The following SOAT1 variants were observed in gnomAD, a reference collection of about 807,000 sequenced individuals.
The protein encoded by SOAT1 is acyl-coenzyme A:cholesterol acyltransferase 1.
A neutral mutation model predicts 69.5 loss-of-function variants in SOAT1; 55 were observed. That is an observed-to-expected ratio of 0.79 (90% confidence interval 0.64 to 0.99). The LOEUF (loss-of-function observed/expected upper bound fraction) is 0.99, where lower values mean the gene tolerates loss of function less well. Ranked by LOEUF, SOAT1 falls within the 50% of genes least tolerant of loss-of-function variation. SOAT1 has a pLI of 0.00. For missense variants in SOAT1, 580 were observed against 669.3 expected, an observed-to-expected ratio of 0.87 and a Z score of 1.47; for synonymous variants, 231 against 224.7, an observed-to-expected ratio of 1.03 and a Z score of -0.25.
At chr1:179,330,779 A>G (rs1316714577) in intron 3 of SOAT1, among the ~76,000 whole-genome samples, 1 of 152,214 alleles carries the variant, frequency 6.6e-6, no homozygotes, top group Non-Finnish European at 1.5e-5. Flanking sequence ...ACATGGCTCT[A>G]GTCATTTTGT....
chr1:179,343,343 G>A (rs1666408121), intron 9 of SOAT1, among the ~76,000 whole-genome samples: 1 of 151,998 alleles, frequency 6.6e-6, no homozygotes, highest in Non-Finnish European at 1.5e-5. Context: ...TCCTGCCTCA[G>A]CATCCCAAGT....
chr1:179,302,669 T>A lies in SOAT1; in HGVS notation c.-8-8T>A. Reference sequence around the variant, plus strand: ...TAATACGAAAGCTTTTTACACCTTCTTTCCTAGACAATACAATGGTGGGTG... The same window carrying A: ...TAATACGAAAGCTTTTTACACCTTCATTCCTAGACAATACAATGGTGGGTG... On this transcript the variant is annotated splice_polypyrimidine_tract_variant and splice_region_variant and intron_variant, in intron 1 of 15. Coordinates refer to ENST00000367619, the MANE Select transcript of SOAT1 (RefSeq NM_003101.6). 1.3e-6 allele frequency: 2 copies of A among 1,567,530 alleles called. No homozygotes were observed. The highest frequency in any genetic ancestry group is 1.7e-6 in the Non-Finnish European group (2 of 1,160,058).
intron 13 of SOAT1, among the ~76,000 whole-genome samples, chr1:179,349,329 C>CT (rs10670085): frequency 0.016 from 2,044 of 125,846 alleles, 78 homozygotes; most frequent in Admixed American, 0.061. Flanking sequence ...TAGAGAAACA[C>CT]TTTTTTTTTT....
rs1665188933 is a variant in SOAT1 at position 179,310,552 on chromosome 1, T to G, written c.118+7750T>G. Among the ~76,000 whole-genome samples the G allele has an allele frequency of 2.0e-5, 3 of 152,186 alleles. No individual in the cohort carries two copies. The South Asian group carries it at 6.2e-4, about 31-fold the overall frequency. ...GGAGCAATAGACGATTACAGATGGATTTTACTATCTTATCTTCCCTTTTAT... is the reference window on the plus strand; with the variant it reads ...GGAGCAATAGACGATTACAGATGGAGTTTACTATCTTATCTTCCCTTTTAT... On this transcript the variant is annotated intron_variant, in intron 2 of 15. Coordinates refer to ENST00000367619, the MANE Select transcript of SOAT1 (RefSeq NM_003101.6).
rs80175813 is a variant in SOAT1, at chr1:179,307,649, T to C, written c.118+4847T>C. On this transcript the variant is annotated intron_variant, in intron 2 of 15. Coordinates refer to ENST00000367619, the MANE Select transcript of SOAT1 (RefSeq NM_003101.6). ...TGAAGTCTTACTGTATGTATTGTCA[T>C]TGACTGATGACCTACCTGTGTGAAT... 5.7e-3 allele frequency among the ~76,000 whole-genome samples: 866 copies of C among 152,298 alleles called. 2 individuals carry two copies. Among genetic ancestry groups the C allele is most frequent in the Non-Finnish European group, 1.0e-2 (678 of 68,028 alleles).
At chr1:179,342,002 CTT>C (rs1666354576) in intron 7 of SOAT1, 110 bp from the exon 8 acceptor site, 4 of 1,410,832 alleles carry the variant, frequency 2.8e-6, no homozygotes, top group Non-Finnish European at 1.9e-6. Context: ...TGTTTATACA[CTT>C]ATCAGGATTT....
intron 3 of SOAT1, 62 bp from the exon 4 acceptor site, chr1:179,335,444 A>C: frequency 7.0e-7 from 1 of 1,430,940 alleles, no homozygotes; most frequent in African/African-American, 1.4e-5. Context: ...CCTTTAGAGA[A>C]ATGCTAATGA....
At chr1:179,348,760 ATGTGTGTGTGTGTGTGTGTG>A (rs71111912) in intron 12 of SOAT1, 64 bp from the exon 13 acceptor site, 192 of 593,868 alleles carry the variant, frequency 3.2e-4, no homozygotes, top group African/African-American at 7.4e-4. Flanking sequence ...TTCGGGTGGG[ATGTGTGTGTGTGTGTGTGTG>A]TGTGTGTGTG....
At position 179,347,631 on chromosome 1, in the gene SOAT1, CTT is replaced by C; in HGVS notation, c.1153_1154del (p.Leu385AlafsTer9). The C allele has an allele frequency of 6.2e-7, 1 of 1,611,136 alleles. No homozygotes were observed. Among genetic ancestry groups the C allele is most frequent in the Non-Finnish European group, 8.5e-7 (1 of 1,178,474 alleles). On this transcript the variant is annotated frameshift_variant, in exon 12 of 16. Coordinates refer to ENST00000367619, the MANE Select transcript of SOAT1 (RefSeq NM_003101.6). LOFTEE classifies it high-confidence loss of function. ...TGATTCTCTTCCTTACTTTTTTTGCCTTTTTGCACTGCTGGCTCAATGCCTTT... is the reference window on the plus strand; with the variant it reads ...TGATTCTCTTCCTTACTTTTTTTGCCTTTGCACTGCTGGCTCAATGCCTTT... ...VLILFLTFFA[F>X]LHCWLNAFAE...
rs1490092445 is a variant in SOAT1 at position 179,303,562 on chromosome 1, A to ATT, written c.118+761_118+762insTT. 2.0e-5 allele frequency among the ~76,000 whole-genome samples: 3 copies of ATT among 152,354 alleles called. No individual in the cohort carries two copies. In the East Asian group the frequency reaches 5.8e-4, roughly 29 times the overall value. On this transcript the variant is annotated intron_variant, in intron 2 of 15. Coordinates refer to ENST00000367619, the MANE Select transcript of SOAT1 (RefSeq NM_003101.6). ...TGAGACAGGTTGTCTTTGGCATTTC[A>ATT]TCTCTTTTCATAAAGAAACAGTTTT... is the stretch of plus-strand genomic sequence containing the variant.
intron 2 of SOAT1, among the ~76,000 whole-genome samples, chr1:179,308,844 G>A (rs1198860463): frequency 1.3e-5 from 2 of 151,824 alleles, no homozygotes. Flanking sequence ...TCATATTTGA[G>A]ATCTCTTCTG....
intron 10 of SOAT1, 79 bp from the exon 11 acceptor site, chr1:179,344,868 C>A: frequency 7.1e-7 from 1 of 1,400,508 alleles, no homozygotes; most frequent in Non-Finnish European, 1.0e-6. Flanking sequence ...CACATCTGTA[C>A]TTTCTTTTGG....
At chr1:179,337,591 C>T (rs895583136) in intron 4 of SOAT1, among the ~76,000 whole-genome samples, 1 of 152,098 alleles carries the variant, frequency 6.6e-6, no homozygotes, top group South Asian at 2.1e-4. Flanking sequence ...GCTTTCCCTT[C>T]TTAAGAGTTG....
chr1:179,307,383 T>C (rs964175286), intron 2 of SOAT1, among the ~76,000 whole-genome samples: 1 of 152,230 alleles, frequency 6.6e-6, no homozygotes, highest in African/African-American at 2.4e-5. Flanking sequence ...GTTTGATTAC[T>C]GTAGCATTCT....
chr1:179,317,089 A>G (rs190841854), intron 2 of SOAT1, among the ~76,000 whole-genome samples: 38 of 152,306 alleles, frequency 2.5e-4, no homozygotes, highest in African/African-American at 8.4e-4. Flanking sequence ...AGCTTAAATT[A>G]CCCCAAATAT....
At position 179,356,111 on chromosome 1, in the gene SOAT1, A is replaced by G. The variant is rs780115092; in HGVS notation, c.*2470A>G. ...TGTTTCAGGAAGATTTATTTTTTCT[A>G]TTTTGCTATTGTGGCGAAAATTATT... On this transcript the variant is annotated 3_prime_UTR_variant, in exon 16 of 16. Transcript: ENST00000367619. The G allele has an allele frequency of 4.6e-5, 7 of 152,294 alleles. No individual in the cohort carries two copies. The highest frequency in any genetic ancestry group is 3.4e-3 in the Middle Eastern group (1 of 294). The allele number at this position is 152,294 out of a possible 1,614,324, so 9.4% of individuals were successfully genotyped here.
Position 179,355,489 on chromosome 1 carries a change from G to A in SOAT1, c.*1848G>A, listed in dbSNP as rs1666875974. ...TTGCTCTGTAGTGTTTCTGAATACT[G>A]TATTTGTTGGATTGATCAAGGCTAT... is the stretch of plus-strand genomic sequence containing the variant. On this transcript the variant is annotated 3_prime_UTR_variant, in exon 16 of 16. Transcript: ENST00000367619. The A allele has an allele frequency of 6.6e-6, 1 of 152,242 alleles. No homozygotes were observed. The highest frequency in any genetic ancestry group is 2.1e-4 in the South Asian group (1 of 4,828). 9.4% of individuals were successfully genotyped at this position (152,242 alleles called of 1,614,324 possible).
chr1:179,353,556 T>G, intron 15 of SOAT1, 29 bp from the exon 16 acceptor site: 1 of 1,598,970 alleles, frequency 6.3e-7, no homozygotes, highest in South Asian at 1.1e-5. Flanking sequence ...CACAAATTAT[T>G]TTTCCATTCT....
chr1:179,316,882 A>C (rs1313902500), intron 2 of SOAT1, among the ~76,000 whole-genome samples: 1 of 152,240 alleles, frequency 6.6e-6, no homozygotes, highest in Non-Finnish European at 1.5e-5. Context: ...TGTGAAAAGA[A>C]ATGTCCAATA....
Sources: gnomAD v4.1 joint callset for allele counts (sites outside exome capture counted in the v4.1 genomes callset) on GRCh38, gnomAD v4.1.1 for gene constraint, MANE v1.5 for transcripts, NCBI Gene and HGNC (gene_info 2026-07-23, HGNC 2026-07-21) for gene names.